RIN3: variants seen among roughly 807,000 people sequenced by gnomAD.
RIN3 encodes the protein Ras and Rab interactor 3, also known as RAB5 interacting protein 3.
A neutral mutation model predicts 76.3 loss-of-function variants in RIN3; 54 were observed. The ratio of observed to expected loss-of-function variants is 0.71; its 90% CI spans 0.57 to 0.89. The LOEUF is 0.89. RIN3 is among the 40% of genes least tolerant of loss of function. The probability of loss-of-function intolerance (pLI) is 0.00; values close to 1 mark genes in which losing one functional copy is unlikely to be tolerated. For missense variants in RIN3, 1,256 were observed against 1,322.1 expected (o/e 0.95, Z 0.78); for synonymous variants, 576 against 564.0 (o/e 1.02, Z -0.30).
intron 7 of RIN3, among the ~76,000 whole-genome samples, chr14:92,673,907 C>T (rs1888372251): frequency 6.6e-6 from 1 of 152,220 alleles, no homozygotes; most frequent in Non-Finnish European, 1.5e-5. Flanking sequence ...TCCAGGCCCA[C>T]ATACGTTTGT....
intron 1 of RIN3, among the ~76,000 whole-genome samples, chr14:92,528,048 G>T (rs185004028): frequency 2.6e-5 from 4 of 151,816 alleles, no homozygotes; most frequent in Admixed American, 6.6e-5. Context: ...GCTCAGGGAG[G>T]GGGGCGTGGA....
chr14:92,594,655 G>T (rs1885094757), intron 3 of RIN3, among the ~76,000 whole-genome samples: 1 of 152,226 alleles, frequency 6.6e-6, no homozygotes, highest in African/African-American at 2.4e-5. Flanking sequence ...TTTGTAGGAT[G>T]CAGTGAAAAC....
rs201393959 is a variant in RIN3, at chr14:92,527,020, C to T, written c.44+13044C>T. Among the ~76,000 whole-genome samples the T allele has an allele frequency of 8.7e-5, 13 of 149,260 alleles. 1 individual carries two copies. The East Asian group carries it at 2.6e-3, about 30-fold the overall frequency. On this transcript the variant is annotated intron_variant, in intron 1 of 9. Transcript: ENST00000216487. ...CCATTGTCACTTGGCTGTGTTCTCT[C>T]TGTGTCTGTCTGTGTTTCTCCCCAT...
chr14:92,675,318 CTGTTT>C (rs879615922), intron 7 of RIN3, among the ~76,000 whole-genome samples: 7 of 152,214 alleles, frequency 4.6e-5, no homozygotes, highest in Non-Finnish European at 1.0e-4. Context: ...TTAGATGTTA[CTGTTT>C]TATCAGGTGT....
chr14:92,529,452 G>T (rs948411510), intron 1 of RIN3, among the ~76,000 whole-genome samples: 1 of 152,094 alleles, frequency 6.6e-6, no homozygotes, highest in Non-Finnish European at 1.5e-5. Flanking sequence ...GTTTCACTAT[G>T]TTGGCCAGAC....
At chr14:92,644,029 T>C (rs1887108283) in intron 5 of RIN3, among the ~76,000 whole-genome samples, 1 of 152,014 alleles carries the variant, frequency 6.6e-6, no homozygotes, top group African/African-American at 2.4e-5. Context: ...TCCTCAGCGG[T>C]TCTTGAGCAG....
rs115282734 is a variant in RIN3 at position 92,680,179 on chromosome 14, G to A, written c.2467+3573G>A. ...TTGTTGTATCTTCACATGGCAGAAG[G>A]GACAGGACAGCTCTCTGGCACTTTT... is the stretch of plus-strand genomic sequence containing the variant. On this transcript the variant is annotated intron_variant, in intron 8 of 9. Transcript: ENST00000216487. Among the ~76,000 whole-genome samples, 339 of 151,430 alleles carry A rather than the reference G, an allele frequency of 2.2e-3. 1 individual carries two copies. Among genetic ancestry groups the A allele is most frequent in the African/African-American group, 8.0e-3 (328 of 41,206 alleles).
chr14:92,602,879 G>A (rs1595447914), intron 3 of RIN3, among the ~76,000 whole-genome samples: 4 of 152,262 alleles, frequency 2.6e-5, no homozygotes, highest in South Asian at 4.1e-4. Flanking sequence ...CATGGGGAGG[G>A]TGCAGAGCTA....
At chr14:92,545,461 G>A (rs983216604) in intron 1 of RIN3, among the ~76,000 whole-genome samples, 6 of 151,946 alleles carry the variant, frequency 3.9e-5, no homozygotes, top group African/African-American at 1.5e-4. Context: ...TACAGGAATA[G>A]TACAGTGAAT....
At chr14:92,592,712 G>A (rs1022134916) in intron 3 of RIN3, among the ~76,000 whole-genome samples, 1 of 149,282 alleles carries the variant, frequency 6.7e-6, no homozygotes, top group Non-Finnish European at 1.5e-5. Flanking sequence ...GTCTTACTCT[G>A]TCGCCCAGGC....
intron 3 of RIN3, among the ~76,000 whole-genome samples, chr14:92,611,327 C>T (rs562074340): frequency 6.6e-6 from 1 of 152,316 alleles, no homozygotes; most frequent in East Asian, 1.9e-4. Flanking sequence ...CGCTCTATCC[C>T]CCAGGCTGGA....
rs1595380896 is a variant in RIN3 at position 92,514,551 on chromosome 14, G to A, written c.44+575G>A. 1.3e-5 allele frequency among the ~76,000 whole-genome samples: 2 copies of A among 152,240 alleles called. No individual in the cohort carries two copies. Among genetic ancestry groups the A allele is most frequent in the African/African-American group, 4.8e-5 (2 of 41,470 alleles). On this transcript the variant is annotated intron_variant, in intron 1 of 9. Coordinates refer to ENST00000216487, the MANE Select transcript of RIN3 (RefSeq NM_024832.5). The surrounding 1 kb of genome is among the most constrained non-coding windows in gnomAD (Gnocchi z 7.2). ...TTCCCGCCGCCCCTCTGCCCTGGCC[G>A]TAGACGGTGACCTTCGGACCGGCCC...
At chr14:92,561,906 G>A (rs1052227772) in intron 2 of RIN3, among the ~76,000 whole-genome samples, 3 of 152,046 alleles carry the variant, frequency 2.0e-5, no homozygotes, top group Non-Finnish European at 4.4e-5. Context: ...GGCTGGTCTT[G>A]AGCTCCTGGG....
chr14:92,675,720 C>T (rs1024468638), intron 7 of RIN3, among the ~76,000 whole-genome samples: 1 of 152,240 alleles, frequency 6.6e-6, no homozygotes, highest in African/African-American at 2.4e-5. Flanking sequence ...ACCCACAGTT[C>T]CAGCCTTGGG....
intron 2 of RIN3, among the ~76,000 whole-genome samples, chr14:92,564,738 A>G (rs1595419828): frequency 6.6e-6 from 1 of 152,260 alleles, no homozygotes; most frequent in East Asian, 1.9e-4. Context: ...CAGTTTGTAC[A>G]ATTGATGGAA....
intron 1 of RIN3, among the ~76,000 whole-genome samples, chr14:92,545,569 CT>C (rs1197157728): frequency 7.2e-6 from 1 of 138,954 alleles, no homozygotes; most frequent in Non-Finnish European, 1.5e-5. Flanking sequence ...TATTTTTTTT[CT>C]TTTTTCTTTT....
intron 7 of RIN3, among the ~76,000 whole-genome samples, chr14:92,662,387 G>T (rs965333216): frequency 1.3e-5 from 2 of 152,254 alleles, no homozygotes; most frequent in African/African-American, 4.8e-5. Flanking sequence ...TGGGACCCTG[G>T]GGGGGATCAT....
intron 1 of RIN3, among the ~76,000 whole-genome samples, chr14:92,545,382 T>C (rs1897237050): frequency 6.6e-6 from 1 of 152,026 alleles, no homozygotes; most frequent in South Asian, 2.1e-4. Flanking sequence ...AGTGCTGGGA[T>C]TACAGGCAGG....
At chr14:92,531,221 G>T (rs80281752) in intron 1 of RIN3, among the ~76,000 whole-genome samples, 6,428 of 152,184 alleles carry the variant, frequency 0.042, 426 homozygotes, top group African/African-American at 0.15. Flanking sequence ...TGTGTCTGGC[G>T]GGGTCCAGTC....
Sources: allele counts gnomAD v4.1 joint callset (sites outside exome capture counted in the v4.1 genomes callset), GRCh38; gene constraint gnomAD v4.1.1; non-coding constraint Gnocchi (gnomAD v3.1); transcripts MANE v1.5; gene names NCBI Gene and HGNC (gene_info 2026-07-23, HGNC 2026-07-21).